HPGDS: variants seen among roughly 807,000 people sequenced by gnomAD.
The protein encoded by HPGDS is hematopoietic prostaglandin D synthase.
HPGDS carries 26 observed loss-of-function variants against 23.1 expected under a neutral mutation model. The ratio of observed to expected loss-of-function variants is 1.13; its 90% confidence interval spans 0.83 to 1.56. The LOEUF (loss-of-function observed/expected upper bound fraction) is 1.56, where lower values mean the gene tolerates loss of function less well. HPGDS is among the 40% of genes most tolerant of loss of function. The pLI, the probability that HPGDS is intolerant of heterozygous loss-of-function variation, is 0.00. For synonymous variants in HPGDS, 95 were observed against 77.9 expected, an observed-to-expected ratio of 1.22 and a Z score of -1.16; for missense variants, 268 against 236.4, an observed-to-expected ratio of 1.13 and a Z score of -0.88.
chr4:94,310,966 T>C (rs889815702), intron 3 of HPGDS, among the ~76,000 whole-genome samples: 6 of 151,894 alleles, frequency 4.0e-5, no homozygotes, highest in African/African-American at 1.5e-4. Flanking sequence ...AGAATACTTG[T>C]GATTTTTGCA....
At position 94,328,896 on chromosome 4, in the gene HPGDS, T is replaced by C. The variant is rs183330340; in HGVS notation, c.133+5601A>G. Among the ~76,000 whole-genome samples, 4 of 152,330 alleles carry C rather than the reference T, an allele frequency of 2.6e-5. No homozygotes were observed. The East Asian group carries it at 7.7e-4, about 29-fold the overall frequency. On this transcript the variant is annotated intron_variant, in intron 2 of 5. Coordinates refer to ENST00000295256, the MANE Select transcript of HPGDS (RefSeq NM_014485.3). ...CTAGAATCAACTTTGTGTGTCTCCT[T>C]CAAGTATCTTTCATATGCACACCTA...
At chr4:94,326,497 A>T (rs916610789) in intron 2 of HPGDS, among the ~76,000 whole-genome samples, 1 of 152,092 alleles carries the variant, frequency 6.6e-6, no homozygotes, top group Non-Finnish European at 1.5e-5. Context: ...AGTCTATTGA[A>T]GCTCTAGTTG....
chr4:94,332,456 G>T (rs565973505), intron 2 of HPGDS, among the ~76,000 whole-genome samples: 61 of 152,338 alleles, frequency 4.0e-4, no homozygotes, highest in African/African-American at 1.4e-3. Context: ...ATAACACACC[G>T]CTGTCCATGG....
intron 2 of HPGDS, among the ~76,000 whole-genome samples, chr4:94,332,720 AG>A (rs1756756113): frequency 6.6e-6 from 1 of 152,254 alleles, no homozygotes; most frequent in African/African-American, 2.4e-5. Flanking sequence ...ACATTTTTCT[AG>A]TCAATCCTAT....
chr4:94,340,309 CTCTT>C (rs1721123309), intron 1 of HPGDS, among the ~76,000 whole-genome samples: 33 of 28,792 alleles, frequency 1.1e-3, no homozygotes, highest in African/African-American at 1.9e-3. Context: ...TTCTTTCTTT[CTCTT>C]TTTTTTTTTT....
At chr4:94,327,831 G>A (rs972267376) in intron 2 of HPGDS, among the ~76,000 whole-genome samples, 24 of 152,226 alleles carry the variant, frequency 1.6e-4, no homozygotes, top group African/African-American at 5.5e-4. Flanking sequence ...AGCCCTCTGG[G>A]TTGTTGTGGG....
chr4:94,302,934 A>G (rs995000478), intron 4 of HPGDS, among the ~76,000 whole-genome samples: 1 of 152,126 alleles, frequency 6.6e-6, no homozygotes, highest in African/African-American at 2.4e-5. Flanking sequence ...CTGAAGACCA[A>G]ATAATTTACT....
intron 5 of HPGDS, 129 bp from the exon 6 acceptor site, chr4:94,299,773 T>C: frequency 1.2e-6 from 1 of 866,212 alleles, no homozygotes; most frequent in Non-Finnish European, 1.7e-6. Context: ...GCAGAATGTT[T>C]ATATGATAGA....
At chr4:94,319,719 A>G (rs1000253701) in intron 2 of HPGDS, among the ~76,000 whole-genome samples, 1 of 151,992 alleles carries the variant, frequency 6.6e-6, no homozygotes, top group Non-Finnish European at 1.5e-5. Flanking sequence ...TCTATTGGTG[A>G]TACATTTCCT....
chr4:94,340,931 G>A (rs1481541936), intron 1 of HPGDS, among the ~76,000 whole-genome samples: 12 of 137,768 alleles, frequency 8.7e-5, no homozygotes, highest in African/African-American at 3.3e-4. Context: ...TGCAGCATCC[G>A]CCTCCCGGGT....
At chr4:94,302,450 A>G (rs936989318) in intron 4 of HPGDS, among the ~76,000 whole-genome samples, 6 of 152,054 alleles carry the variant, frequency 3.9e-5, no homozygotes, top group African/African-American at 1.4e-4. Flanking sequence ...CTCATGGATT[A>G]AAAAAATAGT....
intron 2 of HPGDS, among the ~76,000 whole-genome samples, chr4:94,325,629 A>G (rs957797835): frequency 2.0e-5 from 3 of 152,140 alleles, no homozygotes; most frequent in Non-Finnish European, 4.4e-5. Flanking sequence ...ATTTGCTAAG[A>G]CCATTGGAAA....
Position 94,299,440 on chromosome 4 carries a change from T to C in HPGDS, c.*40A>G. ...TAGCTGTCTTATCTGATGAGAGAGA[T>C]GCCCCCGAGAAAAACAAACTTGAAG... On this transcript the variant is annotated 3_prime_UTR_variant, in exon 6 of 6. Transcript: ENST00000295256. 1.9e-6 allele frequency: 3 copies of C among 1,562,064 alleles called. No homozygotes were observed. The highest frequency in any genetic ancestry group is 2.4e-5 in the South Asian group (2 of 84,304).
At chr4:94,340,367 C>T (rs1283728294) in intron 1 of HPGDS, among the ~76,000 whole-genome samples, 1 of 65,482 alleles carries the variant, frequency 1.5e-5, no homozygotes, top group Non-Finnish European at 3.0e-5. Context: ...GAGACGGAGT[C>T]TCTCTCTGTC....
chr4:94,334,809 C>T (rs1720961289), intron 1 of HPGDS, among the ~76,000 whole-genome samples, 171 bp from the exon 2 acceptor site: 1 of 152,096 alleles, frequency 6.6e-6, no homozygotes, highest in East Asian at 1.9e-4. Flanking sequence ...TACGGGGAAA[C>T]TTGGTTGAAA....
chr4:94,332,559 G>C (rs1756753931), intron 2 of HPGDS, among the ~76,000 whole-genome samples: 2 of 152,250 alleles, frequency 1.3e-5, no homozygotes, highest in African/African-American at 4.8e-5. Context: ...CCCACACAGA[G>C]CTTGCTCCTG....
At chr4:94,326,867 C>CT (rs923926405) in intron 2 of HPGDS, among the ~76,000 whole-genome samples, 6 of 151,818 alleles carry the variant, frequency 4.0e-5, no homozygotes, top group Admixed American at 1.3e-4. Flanking sequence ...TAGGGAAACC[C>CT]TTTTTCCTAT....
chr4:94,310,200 C>T (rs751484542), intron 3 of HPGDS, among the ~76,000 whole-genome samples: 7 of 152,096 alleles, frequency 4.6e-5, no homozygotes, highest in Admixed American at 1.3e-4. Flanking sequence ...CATGAAGTCC[C>T]TGCCCATGCC....
At chr4:94,329,934 C>T (rs544940416) in intron 2 of HPGDS, among the ~76,000 whole-genome samples, 1 of 152,310 alleles carries the variant, frequency 6.6e-6, no homozygotes, top group South Asian at 2.1e-4. Flanking sequence ...GGCAAAATAA[C>T]TACAGTGATC....
Sources: allele counts gnomAD v4.1 joint callset (sites outside exome capture counted in the v4.1 genomes callset), GRCh38; gene constraint gnomAD v4.1.1; transcripts MANE v1.5; gene names NCBI Gene and HGNC (gene_info 2026-07-23, HGNC 2026-07-21).